The following SNX27 variants were observed in gnomAD, a reference collection of about 807,000 sequenced individuals.
The protein encoded by SNX27 is sorting nexin 27, also known as sorting nexin-27.
Under a neutral mutation model 71.6 loss-of-function variants are expected in SNX27, and 22 were observed. The ratio of observed to expected loss-of-function variants is 0.31; its 90% CI spans 0.22 to 0.44. SNX27 has a LOEUF of 0.44. Among genes scored for constraint, SNX27 ranks in the 20% least tolerant of loss-of-function variants. The pLI is 1.00. For synonymous variants in SNX27, 269 were observed against 277.2 expected (o/e 0.97, Z 0.29); for missense variants, 531 against 698.6 (o/e 0.76, Z 2.70).
In SNX27 at chr1:151,698,292, C is replaced by T. The variant is rs1671875519; in HGVS notation, c.*3875C>T. On this transcript the variant is annotated 3_prime_UTR_variant, in exon 12 of 12. Transcript: ENST00000458013. ...AACTCTCTCCTATCTCAGAATTTGC[C>T]AACTTCTGGGCTGGGCTCCTAGGAG... 1 of 152,728 alleles carries T rather than the reference C, an allele frequency of 6.5e-6. No homozygotes were observed. Among genetic ancestry groups the T allele is most frequent in the East Asian group, 1.9e-4 (1 of 5,188 alleles). The allele number at this position is 152,728 out of a possible 1,614,324, so 9.5% of individuals were successfully genotyped here.
intron 8 of SNX27, among the ~76,000 whole-genome samples, chr1:151,684,658 T>A (rs1405713004): frequency 1.3e-5 from 2 of 152,194 alleles, no homozygotes; most frequent in African/African-American, 4.8e-5. Context: ...ACATCTTAAG[T>A]TGAAAATATT....
chr1:151,691,465 G>GT (rs1671443156), intron 8 of SNX27, among the ~76,000 whole-genome samples: 1 of 148,350 alleles, frequency 6.7e-6, no homozygotes. Flanking sequence ...TTGTTTTTCT[G>GT]GTTTTTTTTT....
intron 11 of SNX27, 22 bp from the exon 12 acceptor site, chr1:151,694,348 C>T (rs1217760927): frequency 2.6e-6 from 4 of 1,549,254 alleles, no homozygotes; most frequent in Middle Eastern, 1.7e-4. Flanking sequence ...TTCCCAATAA[C>T]TCTTTTTTTT....
intron 2 of SNX27, among the ~76,000 whole-genome samples, chr1:151,655,663 C>T (rs1004815332): frequency 2.0e-5 from 3 of 152,166 alleles, no homozygotes; most frequent in Non-Finnish European, 2.9e-5. Flanking sequence ...GATCACCGTT[C>T]TTAGCTGCCT....
chr1:151,648,661 T>A (rs1282422499), intron 2 of SNX27, among the ~76,000 whole-genome samples: 1 of 151,998 alleles, frequency 6.6e-6, no homozygotes, highest in African/African-American at 2.4e-5. Flanking sequence ...TCAGGTGATC[T>A]GCCCACCTTG....
intron 7 of SNX27, among the ~76,000 whole-genome samples, chr1:151,683,115 A>G (rs895396523): frequency 6.6e-6 from 1 of 152,128 alleles, no homozygotes; most frequent in African/African-American, 2.4e-5. Context: ...CCAGACCATG[A>G]TCCAGTCACC....
intron 2 of SNX27, among the ~76,000 whole-genome samples, chr1:151,657,731 A>G (rs1669760825): frequency 6.6e-6 from 1 of 152,214 alleles, no homozygotes; most frequent in Non-Finnish European, 1.5e-5. Flanking sequence ...AATAGCAAAA[A>G]TAAGATCACA....
At chr1:151,678,766 T>C (rs1209612851) in intron 7 of SNX27, 2 of 152,108 alleles carry the variant, frequency 1.3e-5, no homozygotes, top group Non-Finnish European at 2.9e-5. Context: ...CAGGCTGGAG[T>C]GCAGTGGGAT....
At chr1:151,652,951 G>T (rs1302437808) in intron 2 of SNX27, among the ~76,000 whole-genome samples, 9 of 141,406 alleles carry the variant, frequency 6.4e-5, no homozygotes, top group Non-Finnish European at 1.2e-4. Flanking sequence ...TTTTGAGATG[G>T]AGATTTGCTC....
intron 7 of SNX27, among the ~76,000 whole-genome samples, chr1:151,673,373 A>G (rs968646216): frequency 2.0e-5 from 3 of 152,116 alleles, no homozygotes; most frequent in Non-Finnish European, 4.4e-5. Flanking sequence ...TCATATTGAT[A>G]TTATTTGATA....
intron 1 of SNX27, among the ~76,000 whole-genome samples, chr1:151,613,569 C>T (rs1402889379): frequency 6.6e-6 from 1 of 151,934 alleles, no homozygotes; most frequent in Non-Finnish European, 1.5e-5. Flanking sequence ...TTCCTTTCTT[C>T]TGTTTTTTAA....
At chr1:151,629,260 A>C (rs1007948978) in intron 1 of SNX27, 1 of 151,490 alleles carries the variant, frequency 6.6e-6, no homozygotes, top group Non-Finnish European at 1.5e-5. Context: ...CTTTTTATAA[A>C]AACAAATTTG....
chr1:151,631,277 G>A (rs1668220183), intron 1 of SNX27, among the ~76,000 whole-genome samples: 1 of 152,058 alleles, frequency 6.6e-6, no homozygotes, highest in South Asian at 2.1e-4. Flanking sequence ...ATATGCCAGG[G>A]GTCTTTTTTC....
chr1:151,634,313 G>A (rs1668376597), intron 1 of SNX27, among the ~76,000 whole-genome samples: 1 of 152,190 alleles, frequency 6.6e-6, no homozygotes, highest in Non-Finnish European at 1.5e-5. Context: ...ATGTCACAGA[G>A]GGTCAAAATA....
At chr1:151,689,207 T>A (rs1381999623) in intron 8 of SNX27, among the ~76,000 whole-genome samples, 2 of 152,228 alleles carry the variant, frequency 1.3e-5, no homozygotes, top group Non-Finnish European at 2.9e-5. Context: ...GTATTATTCT[T>A]ACTTTACAGA....
At chr1:151,655,256 A>G (rs1669631555) in intron 2 of SNX27, among the ~76,000 whole-genome samples, 1 of 152,048 alleles carries the variant, frequency 6.6e-6, no homozygotes, top group Admixed American at 6.6e-5. Flanking sequence ...GGTCTTTTTG[A>G]GTTCCCTTCT....
At chr1:151,680,015 T>C (rs947140248) in intron 7 of SNX27, 1 of 152,178 alleles carries the variant, frequency 6.6e-6, no homozygotes, top group African/African-American at 2.4e-5. Flanking sequence ...CTGTTTTTAT[T>C]AGGAGCCTTT....
chr1:151,656,140 G>A (rs1358920760), intron 2 of SNX27, among the ~76,000 whole-genome samples: 1 of 149,998 alleles, frequency 6.7e-6, no homozygotes, highest in Non-Finnish European at 1.5e-5. Context: ...GGAGAATGGC[G>A]TGAACCCGGG....
intron 1 of SNX27, among the ~76,000 whole-genome samples, chr1:151,620,941 C>T (rs1220466710): frequency 2.6e-5 from 4 of 152,200 alleles, no homozygotes; most frequent in Non-Finnish European, 4.4e-5. Context: ...CCACCCACCT[C>T]GGCCTCCCAA....
Sources: gnomAD v4.1 joint callset for allele counts (sites outside exome capture counted in the v4.1 genomes callset) on GRCh38, gnomAD v4.1.1 for gene constraint, MANE v1.5 for transcripts, NCBI Gene and HGNC (gene_info 2026-07-23, HGNC 2026-07-21) for gene names.